MGAT5: variants seen among roughly 807,000 people sequenced by gnomAD.
MGAT5 encodes alpha-1,6-mannosylglycoprotein 6-beta-N-acetylglucosaminyltransferase A.
In MGAT5, 30 loss-of-function variants were observed where a neutral mutation model predicts 94.3. The observed-to-expected ratio is 0.32, with a 90% CI of 0.24 to 0.43. MGAT5 has a LOEUF of 0.43. Among genes scored for constraint, MGAT5 ranks in the 20% least tolerant of loss-of-function variants. The pLI, the probability that MGAT5 is intolerant of heterozygous loss-of-function variation, is 1.00. For synonymous variants in MGAT5, 310 were observed against 322.9 expected (o/e 0.96, Z 0.43); for missense variants, 691 against 905.5 (o/e 0.76, Z 3.04).
At chr2:134,206,410 C>T (rs1438399050) in intron 1 of MGAT5, among the ~76,000 whole-genome samples, 1 of 152,190 alleles carries the variant, frequency 6.6e-6, no homozygotes, top group Non-Finnish European at 1.5e-5. Context: ...TTGTCCTGAT[C>T]TGTAGCACAC....
chr2:134,442,132 G>T (rs1221304336), intron 15 of MGAT5, among the ~76,000 whole-genome samples: 1 of 152,188 alleles, frequency 6.6e-6, no homozygotes, highest in African/African-American at 2.4e-5. Context: ...GCATGATGAT[G>T]TGTTTAGAAT....
At chr2:134,145,214 C>CTCTCTCTCTGTGTG (rs373377770) in intron 1 of MGAT5, among the ~76,000 whole-genome samples, 58 of 143,762 alleles carry the variant, frequency 4.0e-4, no homozygotes, top group Non-Finnish European at 7.3e-4. Flanking sequence ...GTCTCTCTCT[C>CTCTCTCTCTGTGTG]TGTGTGTGTG....
chr2:134,202,532 A>G (rs1158213455), intron 1 of MGAT5, among the ~76,000 whole-genome samples: 2 of 152,222 alleles, frequency 1.3e-5, no homozygotes, highest in East Asian at 1.9e-4. Flanking sequence ...GTTTCGTTTT[A>G]CTAGGCTGAA....
intron 9 of MGAT5, among the ~76,000 whole-genome samples, chr2:134,351,491 TA>T (rs1265083537): frequency 2.6e-5 from 4 of 152,104 alleles, no homozygotes; most frequent in Admixed American, 2.6e-4. Context: ...TCTTTTTTCC[TA>T]GAAAACATAA....
intron 1 of MGAT5, among the ~76,000 whole-genome samples, chr2:134,143,300 G>A (rs771131795): frequency 1.3e-5 from 2 of 152,150 alleles, no homozygotes; most frequent in African/African-American, 2.4e-5. Context: ...ACTCAATGCC[G>A]CTAAGTTTGT....
rs200233947 is a variant in MGAT5, at chr2:134,345,034, A to G, written c.1082A>G (p.Lys361Arg). The G allele has an allele frequency of 1.9e-5, 31 of 1,613,596 alleles. No individual in the cohort carries two copies. In the African/African-American group the frequency reaches 3.6e-4, roughly 19 times the overall value. ...ATTGTAGGACTTGCTCAATTCAAGA[A>G]AACTCTTGGACCATCCTGGGTTCAT... Reference protein sequence around the residue: ...IDIVGLAQFKKTLGPSWVHYQ... With the variant: ...IDIVGLAQFKRTLGPSWVHYQ... The change falls in exon 8 of 16, where the codon AAA (lysine) becomes AGA (arginine). Residue 361 changes from lysine to arginine, a missense_variant. Coordinates refer to ENST00000281923, the MANE Select transcript of MGAT5 (RefSeq NM_002410.5).
chr2:134,411,950 A>C lies in MGAT5; in HGVS notation c.1531-919A>C, dbSNP rs28477944. 6.8e-3 allele frequency among the ~76,000 whole-genome samples: 1,040 copies of C among 152,290 alleles called. 7 individuals carry two copies. Among genetic ancestry groups the C allele is most frequent in the African/African-American group, 0.023 (968 of 41,544 alleles). ...AGAACAGGCTTTTATGTGGGTAGAG[A>C]GGACACAGCTTCGTCAAGCCCAGAC... On this transcript the variant is annotated intron_variant, in intron 11 of 15. Coordinates refer to ENST00000281923, the MANE Select transcript of MGAT5 (RefSeq NM_002410.5).
intron 10 of MGAT5, among the ~76,000 whole-genome samples, chr2:134,376,933 T>C (rs1316918174): frequency 6.6e-6 from 1 of 152,164 alleles, no homozygotes; most frequent in Non-Finnish European, 1.5e-5. Flanking sequence ...ACTAACCATC[T>C]CCATGCTCTG....
chr2:134,308,894 G>A (rs902610675), intron 2 of MGAT5, among the ~76,000 whole-genome samples: 4 of 152,130 alleles, frequency 2.6e-5, no homozygotes, highest in Admixed American at 6.6e-5. Context: ...TAATTAGTTC[G>A]ATGTGGCTTT....
chr2:134,338,153 A>G lies in MGAT5; in HGVS notation c.646-106A>G, dbSNP rs1553449195. 1.2e-5 allele frequency: 11 copies of G among 937,518 alleles called. No individual in the cohort carries two copies. In the East Asian group the frequency reaches 3.0e-4, roughly 26 times the overall value. 58.1% of individuals were successfully genotyped at this position (937,518 alleles called of 1,614,324 possible). A position where few individuals can be genotyped will look rare whatever the true frequency, so the allele number is the denominator to read the frequency against. On this transcript the variant is annotated intron_variant, in intron 5 of 15. Coordinates refer to ENST00000281923, the MANE Select transcript of MGAT5 (RefSeq NM_002410.5). Reference sequence around the variant, plus strand: ...GACAAGACTTACTTTTGAAGCTCTCAATTTAATTGACTAACCCTTTTAAGT... The same window carrying G: ...GACAAGACTTACTTTTGAAGCTCTCGATTTAATTGACTAACCCTTTTAAGT...
chr2:134,189,602 G>GTTTTTTGTTTTTTTTTTTT (rs1689239643), intron 1 of MGAT5, among the ~76,000 whole-genome samples: 1 of 84,672 alleles, frequency 1.2e-5, no homozygotes, highest in African/African-American at 4.8e-5. Context: ...GTTTTTTTTT[G>GTTTTTTGTTTTTTTTTTTT]TTTTTTTTTT....
At chr2:134,200,708 A>G (rs190288035) in intron 1 of MGAT5, among the ~76,000 whole-genome samples, 1 of 152,242 alleles carries the variant, frequency 6.6e-6, no homozygotes, top group East Asian at 1.9e-4. Context: ...TGTGGAGCCT[A>G]TGTTCTGGTA....
intron 2 of MGAT5, among the ~76,000 whole-genome samples, chr2:134,285,919 T>G (rs2460385): frequency 0.89 from 135,219 of 152,156 alleles, 61,642 homozygotes; most frequent in Non-Finnish European, 0.99. Context: ...GCTTACTTTA[T>G]AAGGACACTG....
At chr2:134,266,996 T>C (rs1202231028) in intron 1 of MGAT5, among the ~76,000 whole-genome samples, 1 of 152,236 alleles carries the variant, frequency 6.6e-6, no homozygotes, top group Non-Finnish European at 1.5e-5. Context: ...ATGTATCTGG[T>C]AGTCTCCAGT....
chr2:134,401,093 T>G (rs538881560), intron 10 of MGAT5, among the ~76,000 whole-genome samples: 6 of 151,868 alleles, frequency 4.0e-5, no homozygotes, highest in African/African-American at 1.5e-4. Flanking sequence ...CTACTCCTCT[T>G]TTTTTTTCTA....
chr2:134,167,089 C>A (rs962360137), intron 1 of MGAT5, among the ~76,000 whole-genome samples: 12 of 152,142 alleles, frequency 7.9e-5, no homozygotes, highest in Non-Finnish European at 1.5e-4. Flanking sequence ...TTATAAGTCT[C>A]TATTACAACA....
intron 14 of MGAT5, among the ~76,000 whole-genome samples, chr2:134,431,299 A>C (rs1371933710): frequency 6.6e-6 from 1 of 152,196 alleles, no homozygotes; most frequent in Non-Finnish European, 1.5e-5. Context: ...TGCTTAGAAA[A>C]ATCATTCCAG....
chr2:134,141,105 C>T (rs1262819080), intron 1 of MGAT5, among the ~76,000 whole-genome samples: 2 of 152,188 alleles, frequency 1.3e-5, no homozygotes, highest in East Asian at 1.9e-4. Context: ...AGAGAGTTAT[C>T]TAGGGTTCCT....
At chr2:134,311,261 TC>T (rs1686637704) in intron 2 of MGAT5, among the ~76,000 whole-genome samples, 1 of 152,194 alleles carries the variant, frequency 6.6e-6, no homozygotes, top group South Asian at 2.1e-4. Flanking sequence ...TCTATTTTTT[TC>T]TTTCCTTTTT....
Sources: gnomAD v4.1 joint callset for allele counts (sites outside exome capture counted in the v4.1 genomes callset) on GRCh38, gnomAD v4.1.1 for gene constraint, MANE v1.5 for transcripts, NCBI Gene and HGNC (gene_info 2026-07-23, HGNC 2026-07-21) for gene names.